Variants in TEX36 observed in about 807,000 individuals in gnomAD.
TEX36 encodes the protein testis expressed 36.
Under a neutral mutation model 13.6 loss-of-function variants are expected in TEX36, and 12 were observed. The observed-to-expected ratio is 0.88, with a 90% CI of 0.56 to 1.43. The LOEUF (loss-of-function observed/expected upper bound fraction) is 1.43. Ranked by LOEUF, TEX36 falls within the 40% of genes most tolerant of loss-of-function variation. The probability of loss-of-function intolerance (pLI) is 0.00; values close to 1 mark genes in which losing one functional copy is unlikely to be tolerated. For missense variants in TEX36, 224 were observed against 228.3 expected, an observed-to-expected ratio of 0.98 and a Z score of 0.12; for synonymous variants, 93 against 83.0, an observed-to-expected ratio of 1.12 and a Z score of -0.65.
intron 1 of TEX36, chr10:125,666,990 C>A: frequency 7.2e-7 from 1 of 1,385,912 alleles, no homozygotes; most frequent in Non-Finnish European, 9.8e-7. Flanking sequence ...CTTGACTCCT[C>A]CTGGGCAGCC....
chr10:125,612,506 C>A (rs1465560952), intron 3 of TEX36, among the ~76,000 whole-genome samples: 2 of 152,134 alleles, frequency 1.3e-5, no homozygotes, highest in Non-Finnish European at 2.9e-5. Context: ...TACATATATA[C>A]ATATTTACAT....
At chr10:125,647,674 C>G (rs1846791686) in intron 3 of TEX36, among the ~76,000 whole-genome samples, 1 of 151,910 alleles carries the variant, frequency 6.6e-6, no homozygotes, top group South Asian at 2.1e-4. Flanking sequence ...GCTTGTCAGA[C>G]AGTGGGTGCA....
At chr10:125,612,681 A>G (rs1846305231) in intron 3 of TEX36, among the ~76,000 whole-genome samples, 1 of 152,112 alleles carries the variant, frequency 6.6e-6, no homozygotes, top group African/African-American at 2.4e-5. Context: ...CCCGGGCTTT[A>G]TAAGCAGGCA....
downstream of TEX36, among the ~76,000 whole-genome samples, chr10:125,653,937 C>A (rs1253796385): frequency 6.6e-6 from 1 of 152,046 alleles, no homozygotes; most frequent in African/African-American, 2.4e-5. Context: ...CCACTGCACT[C>A]CAGCCTGGGC....
intron 1 of TEX36, among the ~76,000 whole-genome samples, chr10:125,672,683 C>T (rs1450094228): frequency 6.6e-6 from 1 of 152,164 alleles, no homozygotes; most frequent in Non-Finnish European, 1.5e-5. Flanking sequence ...CTTCAGTATT[C>T]TTGTTAATTT....
chr10:125,600,397 G>A (rs1846130995), intron 3 of TEX36, among the ~76,000 whole-genome samples: 1 of 152,084 alleles, frequency 6.6e-6, no homozygotes, highest in South Asian at 2.1e-4. Flanking sequence ...CACTAGATGG[G>A]AGTGATCAGG....
In TEX36 at chr10:125,667,461, C is replaced by T. The variant is rs114554750; in HGVS notation, c.52-5484G>A. The stretch of plus-strand genomic sequence containing the variant: ...GCCAGGACGTTGGTATTTTCCATGA[C>T]GGCAAGGGCTGAGGGGGTGTGTTCC... On this transcript the variant is annotated intron_variant, in intron 1 of 3. Coordinates refer to ENST00000368821, the MANE Select transcript of TEX36 (RefSeq NM_001128202.3). 377 of 710,482 alleles carry T rather than the reference C, an allele frequency of 5.3e-4. 1 individual carries two copies. Among genetic ancestry groups the T allele is most frequent in the African/African-American group, 4.6e-3 (264 of 57,002 alleles). 44.0% of individuals were successfully genotyped at this position (710,482 alleles called of 1,614,324 possible). A position where few individuals can be genotyped will look rare whatever the true frequency, so the allele number is the denominator to read the frequency against.
At chr10:125,610,688 T>A (rs2133550878) in intron 3 of TEX36, among the ~76,000 whole-genome samples, 1 of 152,292 alleles carries the variant, frequency 6.6e-6, no homozygotes, top group East Asian at 1.9e-4. Flanking sequence ...TTGTAGTATT[T>A]GCCAATATTT....
At chr10:125,680,887 T>C (rs1847383068) in intron 1 of TEX36, among the ~76,000 whole-genome samples, 1 of 152,198 alleles carries the variant, frequency 6.6e-6, no homozygotes, top group Non-Finnish European at 1.5e-5. Flanking sequence ...AAATAAAATT[T>C]CTTCCTATGA....
At chr10:125,612,928 C>T (rs1263828543) in intron 3 of TEX36, among the ~76,000 whole-genome samples, 1 of 151,870 alleles carries the variant, frequency 6.6e-6, no homozygotes, top group African/African-American at 2.4e-5. Context: ...GATGTGCACA[C>T]AAAGATAATT....
At chr10:125,652,667 A>C (rs1484224423), downstream of TEX36, among the ~76,000 whole-genome samples, 1 of 152,230 alleles carries the variant, frequency 6.6e-6, no homozygotes, top group Non-Finnish European at 1.5e-5. Flanking sequence ...GCTTCTGCAC[A>C]ACAAAAGAAA....
At chr10:125,612,466 C>T (rs75829190) in intron 3 of TEX36, among the ~76,000 whole-genome samples, 1 of 152,096 alleles carries the variant, frequency 6.6e-6, no homozygotes, top group African/African-American at 2.4e-5. Flanking sequence ...TTCTATCAGC[C>T]CCCACCTGTT....
intron 3 of TEX36, among the ~76,000 whole-genome samples, chr10:125,597,473 C>G (rs1437722969): frequency 6.6e-6 from 1 of 152,202 alleles, no homozygotes; most frequent in Non-Finnish European, 1.5e-5. Context: ...GCAAGAGTTT[C>G]TAATGGTAGG....
Position 125,656,358 on chromosome 10 carries a change from G to T in TEX36, c.265-162C>A, listed in dbSNP as rs189673609. On this transcript the variant is annotated intron_variant, in intron 3 of 3. Transcript: ENST00000368821. ...TGCAGCCTCTGCCTCCCGGGTTCAA[G>T]CAATTCTCATGCCTTAGCCTCCTGA... is the stretch of plus-strand genomic sequence containing the variant. 2.4e-3 allele frequency among the ~76,000 whole-genome samples: 327 copies of T among 136,840 alleles called. 2 individuals carry two copies. Among genetic ancestry groups the T allele is most frequent in the Admixed American group, 2.9e-3 (34 of 11,802 alleles). 89.8% of individuals were successfully genotyped at this position (136,840 alleles called of 152,430 possible).
rs530891995 is a variant in TEX36 at position 125,612,368 on chromosome 10, G to A, written c.265-35494C>T. On this transcript the variant is annotated intron_variant, in intron 3 of 3. Transcript: ENST00000532135. ...CAAAGTGCTGGGATTACAGGTGTGA[G>A]CCATCGAACCCCAGCACCCATCAAA... Among the ~76,000 whole-genome samples, 3 of 152,224 alleles carry A rather than the reference G, an allele frequency of 2.0e-5. No homozygotes were observed. The South Asian group carries it at 6.2e-4, about 32-fold the overall frequency.
chr10:125,651,219 C>T (rs1046867765), downstream of TEX36, among the ~76,000 whole-genome samples: 2 of 152,136 alleles, frequency 1.3e-5, no homozygotes, highest in Non-Finnish European at 2.9e-5. Context: ...ACCAATATCC[C>T]TGATGAACAC....
chr10:125,659,786 C>T (rs755367071), intron 3 of TEX36, among the ~76,000 whole-genome samples: 7 of 152,050 alleles, frequency 4.6e-5, no homozygotes, highest in Non-Finnish European at 7.4e-5. Context: ...TACAATAATA[C>T]GAGATGTTGG....
At chr10:125,656,271 T>A (rs1589776850) in intron 3 of TEX36, 75 bp from the exon 4 acceptor site, 1 of 1,306,478 alleles carries the variant, frequency 7.7e-7, no homozygotes, top group East Asian at 2.7e-5. Context: ...TTTTTTTTTT[T>A]TTTGAGACAG....
chr10:125,655,686 C>G, downstream of TEX36: 1 of 1,241,766 alleles, frequency 8.1e-7, no homozygotes, highest in Non-Finnish European at 1.0e-6. Context: ...TTTAAAACTC[C>G]CCAAAAGTAA....
Sources: allele counts gnomAD v4.1 joint callset (sites outside exome capture counted in the v4.1 genomes callset), GRCh38; gene constraint gnomAD v4.1.1; transcripts MANE v1.5; gene names NCBI Gene and HGNC (gene_info 2026-07-23, HGNC 2026-07-21).